Variants in ZNF691 observed in about 807,000 individuals in gnomAD.
The protein encoded by ZNF691 is zinc finger protein 691.
A neutral mutation model predicts 24.1 loss-of-function variants in ZNF691; 11 were observed. That is an observed-to-expected ratio of 0.46 (90% CI 0.29 to 0.75). The LOEUF is 0.75. Among genes scored for constraint, ZNF691 ranks in the 30% least tolerant of loss-of-function variants. ZNF691 has a pLI of 0.11. For missense variants in ZNF691, 356 were observed against 409.0 expected, an observed-to-expected ratio of 0.87 and a Z score of 1.12; for synonymous variants, 149 against 153.9, an observed-to-expected ratio of 0.97 and a Z score of 0.23.
chr1:42,847,077 C>T (rs1332415847), intron 1 of ZNF691, among the ~76,000 whole-genome samples: 4 of 152,244 alleles, frequency 2.6e-5, no homozygotes, highest in Non-Finnish European at 1.5e-5. Context: ...TGTGACACTT[C>T]TGGCAGCCTT....
rs931987735 is a variant in ZNF691, at chr1:42,847,452, A to T, written c.-218+795A>T. Among the ~76,000 whole-genome samples, 5 of 152,284 alleles carry T rather than the reference A, an allele frequency of 3.3e-5. No homozygotes were observed. The East Asian group carries it at 9.6e-4, about 29-fold the overall frequency. ...TGCAGCTGAGCCACCAGGAAGACAA[A>T]GCCCAATAGACCCCTTTTCCCCCCA... On this transcript the variant is annotated intron_variant, in intron 1 of 3. Coordinates refer to ENST00000651192, the MANE Select transcript of ZNF691 (RefSeq NM_001242739.2).
chr1:42,848,141 T>G (rs1655289162), intron 1 of ZNF691, among the ~76,000 whole-genome samples: 1 of 152,180 alleles, frequency 6.6e-6, no homozygotes, highest in Non-Finnish European at 1.5e-5. Flanking sequence ...TGACCTAGCA[T>G]CCAGCCCCGG....
rs1216818141 is a variant in ZNF691, at chr1:42,851,435, G to A, written c.570G>A (p.Gln190=). The stretch of plus-strand genomic sequence containing the variant: ...GGCGCTCAGACCTCACCACGCACCA[G>A]CAAGATCACCTAGGCAAGCGGCCAT... The part of the protein sequence containing the change: ...FRRRSDLTTH[Q]QDHLGKRPYR... The change falls in exon 4 of 4, where the codon CAG becomes CAA. Residue 190 remains glutamine (Q), a synonymous_variant. Coordinates refer to ENST00000651192, the MANE Select transcript of ZNF691 (RefSeq NM_001242739.2). This position sits in a 1 kb window ranked among gnomAD's most constrained non-coding sequence, Gnocchi z 4.7. 6.2e-7 allele frequency: 1 copy of A among 1,614,198 alleles called. No individual in the cohort carries two copies. The highest frequency in any genetic ancestry group is 1.1e-5 in the South Asian group (1 of 91,088).
At chr1:42,846,823 G>GGCCCTGGC (rs397980008) in intron 1 of ZNF691, among the ~76,000 whole-genome samples, 166 bp downstream of exon 1, 4 of 104 alleles carry the variant, frequency 0.038, no homozygotes, top group Non-Finnish European at 0.071. Context: ...CGCGACCCTC[G>GGCCCTGGC]CCCTGGCCCC....
Position 42,851,838 on chromosome 1 carries a change from G to T in ZNF691, c.*25G>T. The T allele has an allele frequency of 6.2e-7, 1 of 1,613,640 alleles. No homozygotes were observed. Among genetic ancestry groups the T allele is most frequent in the South Asian group, 1.1e-5 (1 of 90,980 alleles). ...AAGGAGAGCCCCATTTAGAGTGAGGGAGAGAGAGTGAGAGACCCTAACCTA... is the reference window on the plus strand; with the variant it reads ...AAGGAGAGCCCCATTTAGAGTGAGGTAGAGAGAGTGAGAGACCCTAACCTA... On this transcript the variant is annotated 3_prime_UTR_variant, in exon 4 of 4. Transcript: ENST00000651192. This position sits in a 1 kb window ranked among gnomAD's most constrained non-coding sequence, Gnocchi z 4.7.
chr1:42,851,222 G>A lies in ZNF691; in HGVS notation c.357G>A (p.Gln119=), dbSNP rs147213387. 56 of 1,614,132 alleles carry A rather than the reference G, an allele frequency of 3.5e-5. No individual in the cohort carries two copies. In the African/African-American group the frequency reaches 7.3e-4, roughly 21 times the overall value. Reference sequence around the variant, plus strand: ...ATGAGAAGCCCTTTATATGTGCCCAGTGTGGCAAAACCTTCAATAATACCT... The same window carrying A: ...ATGAGAAGCCCTTTATATGTGCCCAATGTGGCAAAACCTTCAATAATACCT... ...EADEKPFICA[Q]CGKTFNNTSN... is the part of the protein sequence containing the mutation. Residue 119 remains glutamine (Q), a synonymous_variant, in exon 4 of 4, where the codon CAG becomes CAA. Coordinates refer to ENST00000651192, the MANE Select transcript of ZNF691 (RefSeq NM_001242739.2). The surrounding 1 kb of genome is among the most constrained non-coding windows in gnomAD (Gnocchi z 4.7).
intron 3 of ZNF691, among the ~76,000 whole-genome samples, chr1:42,850,090 G>T (rs190898404): frequency 1.3e-5 from 2 of 152,128 alleles, no homozygotes; most frequent in East Asian, 3.9e-4. Flanking sequence ...GCTGTGTGTG[G>T]TGTGTAGGTG....
Position 42,849,432 on chromosome 1 carries a change from G to T in ZNF691, c.-95+19G>T, listed in dbSNP as rs896430955. The T allele has an allele frequency of 1.5e-6, 1 of 651,020 alleles. No homozygotes were observed. The highest frequency in any genetic ancestry group is 2.8e-6 in the Non-Finnish European group (1 of 352,030). 40.3% of individuals were successfully genotyped at this position (651,020 alleles called of 1,614,324 possible). A position where few individuals can be genotyped will look rare whatever the true frequency, so the allele number is the denominator to read the frequency against. ...AGTGTGGGTAGGTATCACAATTTTA[G>T]TGAAGAGGGAGTTTAGGCTCAGAGT... On this transcript the variant is annotated intron_variant, in intron 2 of 3. Transcript: ENST00000651192.
In ZNF691 at chr1:42,849,650, C is replaced by A; in HGVS notation, c.-9C>A. ...ATAGTTTGTGCTTCCCTCCCTCATCCCTTTGTTCATGTCACTCTGTTCACC... is the reference window on the plus strand; with the variant it reads ...ATAGTTTGTGCTTCCCTCCCTCATCACTTTGTTCATGTCACTCTGTTCACC... On this transcript the variant is annotated 5_prime_UTR_variant, in exon 3 of 4. Transcript: ENST00000651192. The A allele has an allele frequency of 1.3e-6, 2 of 1,548,798 alleles. No individual in the cohort carries two copies. The highest frequency in any genetic ancestry group is 1.7e-6 in the Non-Finnish European group (2 of 1,144,980).
chr1:42,849,107 A>G (rs986126366), intron 1 of ZNF691, among the ~76,000 whole-genome samples, 184 bp from the exon 2 acceptor site: 3 of 152,198 alleles, frequency 2.0e-5, no homozygotes, highest in Admixed American at 2.0e-4. Flanking sequence ...ATGGCCATAA[A>G]TATTTACTAA....
intron 1 of ZNF691, 77 bp from the exon 2 acceptor site, chr1:42,849,214 G>A: frequency 5.6e-6 from 2 of 359,022 alleles, no homozygotes; most frequent in Non-Finnish European, 5.4e-6. Context: ...GTTATATACA[G>A]TTTTATGCTA....
Position 42,851,955 on chromosome 1 carries a change from C to A in ZNF691, c.*142C>A. 2 of 1,283,890 alleles carry A rather than the reference C, an allele frequency of 1.6e-6. No individual in the cohort carries two copies. The highest frequency in any genetic ancestry group is 2.2e-6 in the Non-Finnish European group (2 of 903,548). 79.5% of individuals were successfully genotyped at this position (1,283,890 alleles called of 1,614,324 possible). Reference sequence around the variant, plus strand: ...AATGGTTTTGTATAGCCTCTGAAGTCAGGATCTCAGGAAGTCCTGAGGAGG... The same window carrying A: ...AATGGTTTTGTATAGCCTCTGAAGTAAGGATCTCAGGAAGTCCTGAGGAGG... On this transcript the variant is annotated 3_prime_UTR_variant, in exon 4 of 4. Coordinates refer to ENST00000651192, the MANE Select transcript of ZNF691 (RefSeq NM_001242739.2). This position sits in a 1 kb window ranked among gnomAD's most constrained non-coding sequence, Gnocchi z 4.7.
chr1:42,849,980 T>C (rs1396155011), intron 3 of ZNF691, among the ~76,000 whole-genome samples: 1 of 152,064 alleles, frequency 6.6e-6, no homozygotes, highest in Non-Finnish European at 1.5e-5. Flanking sequence ...TATATGTGTA[T>C]AGACATGTAT....
chr1:42,850,106 CTGT>C (rs1310587614), intron 3 of ZNF691, among the ~76,000 whole-genome samples: 1 of 151,662 alleles, frequency 6.6e-6, no homozygotes, highest in African/African-American at 2.4e-5. Flanking sequence ...AGGTGTATAG[CTGT>C]TGTGTGTGGT....
At chr1:42,850,327 C>A in intron 3 of ZNF691, 1 of 777,054 alleles carries the variant, frequency 1.3e-6, no homozygotes, top group Non-Finnish European at 1.6e-6. Flanking sequence ...ACAGCCCAGG[C>A]CCCACAGTAG....
rs1238431604 is a variant in ZNF691, at chr1:42,849,755, C to T, written c.84+13C>T. On this transcript the variant is annotated intron_variant, in intron 3 of 3. Coordinates refer to ENST00000651192, the MANE Select transcript of ZNF691 (RefSeq NM_001242739.2). ...ACTCTCATCAGAGGTACTTTTCCCC[C>T]CAACTCTTTCCCTGTCCTTGGCTGT... The T allele has an allele frequency of 4.5e-6, 7 of 1,548,340 alleles. No homozygotes were observed. The highest frequency in any genetic ancestry group is 1.7e-6 in the Non-Finnish European group (2 of 1,144,672).
intron 1 of ZNF691, 98 bp from the exon 2 acceptor site, chr1:42,849,193 C>G: frequency 3.2e-6 from 1 of 314,622 alleles, no homozygotes; most frequent in South Asian, 2.7e-5. Flanking sequence ...CTGTATTTCA[C>G]ATTTTAGAAG....
At chr1:42,847,393 A>C (rs1027390259) in intron 1 of ZNF691, among the ~76,000 whole-genome samples, 2 of 151,406 alleles carry the variant, frequency 1.3e-5, no homozygotes, top group Non-Finnish European at 2.9e-5. Flanking sequence ...CCCCTCCTCC[A>C]CTTCTCAGCC....
chr1:42,851,723 T>G lies in ZNF691; in HGVS notation c.858T>G (p.Thr286=), dbSNP rs761819084. 1 of 1,614,252 alleles carries G rather than the reference T, an allele frequency of 6.2e-7. No individual in the cohort carries two copies. The highest frequency in any genetic ancestry group is 2.2e-5 in the East Asian group (1 of 44,890). The change falls in exon 4 of 4, where the codon ACT becomes ACG. Residue 286 remains threonine, a synonymous_variant. Coordinates refer to ENST00000651192, the MANE Select transcript of ZNF691 (RefSeq NM_001242739.2). This position sits in a 1 kb window ranked among gnomAD's most constrained non-coding sequence, Gnocchi z 4.7. The part of the protein sequence containing the change: ...THRGEKPYRC[T]VCGKHFSRSS... Reference sequence around the variant, plus strand: ...GAGGGGAGAAGCCCTACCGGTGCACTGTGTGTGGGAAACACTTCTCCCGGA... The same window carrying G: ...GAGGGGAGAAGCCCTACCGGTGCACGGTGTGTGGGAAACACTTCTCCCGGA...
Sources: allele counts gnomAD v4.1 joint callset (sites outside exome capture counted in the v4.1 genomes callset), GRCh38; gene constraint gnomAD v4.1.1; non-coding constraint Gnocchi (gnomAD v3.1); transcripts MANE v1.5; gene names NCBI Gene and HGNC (gene_info 2026-07-23, HGNC 2026-07-21).